The following DSCAML1 variants were observed in gnomAD, a reference collection of about 807,000 sequenced individuals.
DSCAML1 encodes the protein DS cell adhesion molecule like 1.
Under a neutral mutation model 200.5 loss-of-function variants are expected in DSCAML1, and 38 were observed. The ratio of observed to expected loss-of-function variants is 0.19; its 90% CI spans 0.15 to 0.25. The LOEUF is 0.25. Among genes scored for constraint, DSCAML1 ranks in the 10% least tolerant of loss-of-function variants. DSCAML1 has a pLI of 1.00. For missense variants in DSCAML1, 2,223 were observed against 2,858.8 expected (o/e 0.78, Z 5.07); for synonymous variants, 1,215 against 1,165.0 (o/e 1.04, Z -0.87).
chr11:117,745,674 C>T (rs1314265875), intron 3 of DSCAML1, among the ~76,000 whole-genome samples: 1 of 152,186 alleles, frequency 6.6e-6, no homozygotes, highest in Non-Finnish European at 1.5e-5. Flanking sequence ...CTTCACAGGC[C>T]AGTTCTTGAA....
At chr11:117,511,105 A>G (rs2049608975) in intron 8 of DSCAML1, among the ~76,000 whole-genome samples, 1 of 152,210 alleles carries the variant, frequency 6.6e-6, no homozygotes, top group Non-Finnish European at 1.5e-5. Context: ...ACATGCTCCC[A>G]GGCATACGGC....
At chr11:117,667,067 C>T (rs919636393) in intron 3 of DSCAML1, among the ~76,000 whole-genome samples, 6 of 152,146 alleles carry the variant, frequency 3.9e-5, no homozygotes, top group Admixed American at 1.3e-4. Context: ...CCAGCTTTCC[C>T]GAGATGGCTG....
intron 3 of DSCAML1, among the ~76,000 whole-genome samples, chr11:117,589,423 A>C (rs1349210453): frequency 6.6e-6 from 1 of 151,430 alleles, no homozygotes; most frequent in Non-Finnish European, 1.5e-5. Context: ...CACCTCCCCC[A>C]ACTCAATGTG....
intron 3 of DSCAML1, among the ~76,000 whole-genome samples, chr11:117,616,137 T>C (rs952743813): frequency 2.0e-5 from 3 of 152,202 alleles, no homozygotes; most frequent in African/African-American, 7.2e-5. Flanking sequence ...GGCCATTTGA[T>C]GCCTGAGTCT....
intron 3 of DSCAML1, among the ~76,000 whole-genome samples, chr11:117,760,652 C>T (rs1332994011): frequency 3.9e-5 from 6 of 152,218 alleles, no homozygotes; most frequent in Admixed American, 6.5e-5. Flanking sequence ...AACATGGCTA[C>T]GATGACTAAT....
At position 117,809,895 on chromosome 11, in the gene DSCAML1, CCACACACT is replaced by C. The variant is rs746344423; in HGVS notation, c.-250+7487_-250+7494del. On this transcript the variant is annotated intron_variant, in intron 1 of 2. Coordinates refer to the DSCAML1 transcript ENST00000525836. ...TTCACATACTCTTACACACACACAC[CCACACACT>C]CACACACACATTCACACATTCACAC... Among the ~76,000 whole-genome samples, 362 of 149,324 alleles carry C rather than the reference CCACACACT, an allele frequency of 2.4e-3. 1 individual carries two copies. Among genetic ancestry groups the C allele is most frequent in the Non-Finnish European group, 4.2e-3 (284 of 67,032 alleles).
At chr11:117,599,340 G>A (rs1422942912) in intron 3 of DSCAML1, among the ~76,000 whole-genome samples, 1 of 152,174 alleles carries the variant, frequency 6.6e-6, no homozygotes, top group Non-Finnish European at 1.5e-5. Context: ...ACTTGTGACT[G>A]GAAGAGGATT....
chr11:117,532,054 AC>A (rs1310091886), intron 4 of DSCAML1, among the ~76,000 whole-genome samples: 1 of 148,594 alleles, frequency 6.7e-6, no homozygotes, highest in African/African-American at 2.5e-5. Flanking sequence ...CAATCCCCCC[AC>A]CCCCAGCAAA....
At chr11:117,493,865 C>T (rs953248374) in intron 11 of DSCAML1, among the ~76,000 whole-genome samples, 2 of 152,140 alleles carry the variant, frequency 1.3e-5, no homozygotes, top group African/African-American at 4.8e-5. Context: ...TGGGCTCAAG[C>T]AATTCGCCCC....
intron 3 of DSCAML1, among the ~76,000 whole-genome samples, chr11:117,644,692 C>T (rs555811375): frequency 6.6e-6 from 1 of 152,198 alleles, no homozygotes; most frequent in Non-Finnish European, 1.5e-5. Context: ...GTGCAGCCTC[C>T]CTCTCAACCT....
chr11:117,495,050 G>A (rs567459344), intron 11 of DSCAML1, among the ~76,000 whole-genome samples: 2 of 152,338 alleles, frequency 1.3e-5, no homozygotes, highest in Admixed American at 6.5e-5. Context: ...GGAAACTAAC[G>A]CAGGGATCCA....
intron 3 of DSCAML1, among the ~76,000 whole-genome samples, chr11:117,718,394 G>A (rs760049764): frequency 1.8e-4 from 27 of 152,186 alleles, no homozygotes; most frequent in African/African-American, 3.1e-4. Flanking sequence ...GATGTGTGCC[G>A]GGAACAAACT....
chr11:117,490,727 A>G (rs1351620806), intron 11 of DSCAML1, among the ~76,000 whole-genome samples: 2 of 152,198 alleles, frequency 1.3e-5, no homozygotes, highest in South Asian at 4.1e-4. Flanking sequence ...CAGGAAGGAG[A>G]CTGAACCCCA....
intron 3 of DSCAML1, among the ~76,000 whole-genome samples, chr11:117,599,165 C>T (rs1202574352): frequency 7.6e-6 from 1 of 131,196 alleles, no homozygotes; most frequent in Non-Finnish European, 1.6e-5. Flanking sequence ...ACCTCTTGTT[C>T]CTTGATTTCT....
chr11:117,769,787 G>A (rs1262416655), intron 3 of DSCAML1, among the ~76,000 whole-genome samples: 1 of 151,378 alleles, frequency 6.6e-6, no homozygotes, highest in Non-Finnish European at 1.5e-5. Context: ...TGCTGAGAAG[G>A]TGAAACAAGC....
At chr11:117,593,520 ATAGGGTTC>A (rs2051301476) in intron 3 of DSCAML1, among the ~76,000 whole-genome samples, 1 of 152,172 alleles carries the variant, frequency 6.6e-6, no homozygotes, top group Non-Finnish European at 1.5e-5. Flanking sequence ...GGGCCTGTGT[ATAGGGTTC>A]TACAAATCCC....
chr11:117,634,612 C>T (rs2052241167), intron 3 of DSCAML1, among the ~76,000 whole-genome samples: 1 of 152,130 alleles, frequency 6.6e-6, no homozygotes, highest in Non-Finnish European at 1.5e-5. Flanking sequence ...GTGATTTTGC[C>T]TTAATACTCT....
At chr11:117,554,477 T>C (rs928615033) in intron 3 of DSCAML1, among the ~76,000 whole-genome samples, 2 of 151,984 alleles carry the variant, frequency 1.3e-5, no homozygotes, top group Non-Finnish European at 2.9e-5. Context: ...GCCTCCTGGG[T>C]TCAAGGGATT....
chr11:117,500,845 G>A (rs2049380690), intron 11 of DSCAML1, among the ~76,000 whole-genome samples: 1 of 152,126 alleles, frequency 6.6e-6, no homozygotes, highest in South Asian at 2.1e-4. Context: ...TCTTTCTTCT[G>A]CTTGGGCAAA....
Sources: gnomAD v4.1 joint callset for allele counts (sites outside exome capture counted in the v4.1 genomes callset) on GRCh38, gnomAD v4.1.1 for gene constraint, MANE v1.5 for transcripts, NCBI Gene and HGNC (gene_info 2026-07-23, HGNC 2026-07-21) for gene names.